The following PAK5 variants were observed in gnomAD, a reference collection of about 807,000 sequenced individuals.
PAK5 encodes p21 (RAC1) activated kinase 5.
PAK5 carries 16 observed loss-of-function variants against 65.9 expected under a neutral mutation model. That is an observed-to-expected ratio of 0.24 (90% CI 0.16 to 0.37). The LOEUF (loss-of-function observed/expected upper bound fraction) is 0.37. PAK5 is among the 10% of genes least tolerant of loss of function. The probability of loss-of-function intolerance (pLI) is 1.00; values close to 1 mark genes in which losing one functional copy is unlikely to be tolerated. For missense variants in PAK5, 785 were observed against 903.9 expected, an observed-to-expected ratio of 0.87 and a Z score of 1.69; for synonymous variants, 371 against 354.9, an observed-to-expected ratio of 1.05 and a Z score of -0.51.
chr20:9,624,677 G>T (rs1324997381), intron 3 of PAK5, among the ~76,000 whole-genome samples: 3 of 151,928 alleles, frequency 2.0e-5, no homozygotes, highest in South Asian at 2.1e-4. Flanking sequence ...CCTGGCTCTG[G>T]AGTCTCCTGA....
chr20:9,806,238 C>T (rs575946682), intron 1 of PAK5, among the ~76,000 whole-genome samples: 1 of 152,296 alleles, frequency 6.6e-6, no homozygotes, highest in East Asian at 1.9e-4. Flanking sequence ...ACCTGCCCGC[C>T]TCTGCCTCCC....
At chr20:9,732,372 T>G (rs1444207570) in intron 1 of PAK5, among the ~76,000 whole-genome samples, 1 of 152,150 alleles carries the variant, frequency 6.6e-6, no homozygotes, top group Non-Finnish European at 1.5e-5. Context: ...ATGGAAAAAG[T>G]TATGCATTTT....
chr20:9,549,356 C>T (rs1176152729), intron 7 of PAK5, among the ~76,000 whole-genome samples: 1 of 152,002 alleles, frequency 6.6e-6, no homozygotes, highest in Non-Finnish European at 1.5e-5. Flanking sequence ...TATTCAATAA[C>T]CAGATTAACG....
At chr20:9,764,915 C>T (rs2048740039) in intron 1 of PAK5, among the ~76,000 whole-genome samples, 1 of 152,098 alleles carries the variant, frequency 6.6e-6, no homozygotes, top group South Asian at 2.1e-4. Flanking sequence ...ATTTACAGTA[C>T]ATCATATACC....
At chr20:9,727,404 A>G (rs1432469110) in intron 1 of PAK5, among the ~76,000 whole-genome samples, 1 of 152,154 alleles carries the variant, frequency 6.6e-6, no homozygotes, top group Non-Finnish European at 1.5e-5. Context: ...GTCACACCAT[A>G]AAAAGTTACT....
intron 2 of PAK5, among the ~76,000 whole-genome samples, chr20:9,676,345 A>G (rs1450290560): frequency 6.6e-6 from 1 of 152,150 alleles, no homozygotes; most frequent in African/African-American, 2.4e-5. Flanking sequence ...AAATTGGGTC[A>G]ATCTATATAT....
At chr20:9,806,787 C>T (rs73246946) in intron 1 of PAK5, among the ~76,000 whole-genome samples, 3 of 152,064 alleles carry the variant, frequency 2.0e-5, no homozygotes, top group Non-Finnish European at 4.4e-5. Context: ...AATTTCCTAT[C>T]GCTACTATAA....
chr20:9,793,281 A>G (rs555926089), intron 1 of PAK5, among the ~76,000 whole-genome samples: 11 of 152,282 alleles, frequency 7.2e-5, no homozygotes, highest in Non-Finnish European at 1.3e-4. Flanking sequence ...TAGCAGAAGT[A>G]TAAAACAAAT....
At chr20:9,823,046 A>G (rs1311656671) in intron 1 of PAK5, among the ~76,000 whole-genome samples, 1 of 152,234 alleles carries the variant, frequency 6.6e-6, no homozygotes, top group Non-Finnish European at 1.5e-5. Flanking sequence ...AAGAGTCTTT[A>G]GCAGGTGATC....
intron 1 of PAK5, among the ~76,000 whole-genome samples, chr20:9,740,037 G>A (rs2048434199): frequency 6.6e-6 from 1 of 152,148 alleles, no homozygotes; most frequent in African/African-American, 2.4e-5. Flanking sequence ...TTTAGAGGGA[G>A]AAATAATTAT....
intron 8 of PAK5, 25 bp downstream of exon 8, chr20:9,544,344 A>T: frequency 2.5e-6 from 4 of 1,610,240 alleles, no homozygotes; most frequent in Non-Finnish European, 3.4e-6. Context: ...CAGTCCTGCC[A>T]CGCCTATGAC....
intron 2 of PAK5, among the ~76,000 whole-genome samples, chr20:9,680,282 C>T (rs991200575): frequency 6.6e-6 from 1 of 152,186 alleles, no homozygotes; most frequent in Admixed American, 6.5e-5. Flanking sequence ...TCAGCAAGCA[C>T]AGATGGGGCC....
chr20:9,833,339 G>T (rs967073972), intron 1 of PAK5, among the ~76,000 whole-genome samples: 1 of 152,048 alleles, frequency 6.6e-6, no homozygotes, highest in Admixed American at 6.5e-5. Flanking sequence ...GTACTACATT[G>T]CTATAATGAT....
intron 4 of PAK5, among the ~76,000 whole-genome samples, chr20:9,574,605 T>C (rs1160790669): frequency 6.6e-6 from 1 of 152,202 alleles, no homozygotes; most frequent in Non-Finnish European, 1.5e-5. Flanking sequence ...TTTAATTTGG[T>C]AATGGGAAAA....
intron 1 of PAK5, among the ~76,000 whole-genome samples, chr20:9,734,172 TA>T (rs2048363858): frequency 6.6e-6 from 1 of 152,204 alleles, no homozygotes; most frequent in Non-Finnish European, 1.5e-5. Flanking sequence ...AGAAAAGTTG[TA>T]ATCTCAAAGT....
intron 7 of PAK5, among the ~76,000 whole-genome samples, chr20:9,552,121 G>C (rs913659602): frequency 7.9e-5 from 12 of 152,166 alleles, no homozygotes; most frequent in Admixed American, 3.3e-4. Context: ...AAGGAAGACA[G>C]GAATCTGACA....
chr20:9,729,044 T>C (rs969641549), intron 1 of PAK5, among the ~76,000 whole-genome samples: 1 of 152,046 alleles, frequency 6.6e-6, no homozygotes, highest in African/African-American at 2.4e-5. Context: ...TTTTTGCAAG[T>C]TTTCTGTAGG....
intron 1 of PAK5, among the ~76,000 whole-genome samples, chr20:9,771,044 A>G (rs1479832047): frequency 6.6e-6 from 1 of 152,194 alleles, no homozygotes; most frequent in African/African-American, 2.4e-5. Context: ...ATGTCACAAC[A>G]AGAAAAAACA....
At position 9,739,228 on chromosome 20, in the gene PAK5, C is replaced by CTTTT. The variant is rs55690747; in HGVS notation, c.-161-27797_-161-27794dup. Among the ~76,000 whole-genome samples the CTTTT allele has an allele frequency of 5.7e-4, 83 of 145,708 alleles. 2 individuals are homozygous for CTTTT. The highest frequency in any genetic ancestry group is 4.9e-3 in the South Asian group (23 of 4,656). On this transcript the variant is annotated intron_variant, in intron 1 of 9. Transcript: ENST00000353224. ...TCAACACAAGTTCTTTCTTTGCTTT[C>CTTTT]TTTTTTTTTTTTTTAAATCACAGCT...
Sources: gnomAD v4.1 joint callset for allele counts (sites outside exome capture counted in the v4.1 genomes callset) on GRCh38, gnomAD v4.1.1 for gene constraint, MANE v1.5 for transcripts, NCBI Gene and HGNC (gene_info 2026-07-23, HGNC 2026-07-21) for gene names.